Variants in RBFOX1 observed in about 807,000 individuals in gnomAD.
The protein encoded by RBFOX1 is RNA binding protein fox-1 homolog 1.
A neutral mutation model predicts 57.7 loss-of-function variants in RBFOX1; 8 were observed. That is an observed-to-expected ratio of 0.14 (90% CI 0.08 to 0.25). The LOEUF is 0.25. Ranked by LOEUF, RBFOX1 falls within the 10% of genes least tolerant of loss-of-function variation. The probability of loss-of-function intolerance (pLI) is 1.00; values close to 1 mark genes in which losing one functional copy is unlikely to be tolerated. For missense variants in RBFOX1, 611 were observed against 548.5 expected, an observed-to-expected ratio of 1.11 and a Z score of -1.14; for synonymous variants, 326 against 222.4, an observed-to-expected ratio of 1.47 and a Z score of -4.15.
rs556853511 is a variant in RBFOX1, at chr16:6,820,673, GC to G, written c.-16+166024del. 2.2e-4 allele frequency among the ~76,000 whole-genome samples: 26 copies of G among 116,694 alleles called. No individual in the cohort carries two copies. The East Asian group carries it at 4.8e-3, about 22-fold the overall frequency. 76.6% of individuals were successfully genotyped at this position (116,694 alleles called of 152,430 possible). A position where few individuals can be genotyped will look rare whatever the true frequency, so the allele number is the denominator to read the frequency against. On this transcript the variant is annotated intron_variant, in intron 3 of 15. Transcript: ENST00000550418. ...GACCCTGTCTCCAAAAAAAAAACAA[GC>G]AAAACAAACAAACAAAAACCGAAAA... is the stretch of plus-strand genomic sequence containing the variant.
At chr16:5,862,926 C>G (rs2057258695) in intron 3 of RBFOX1, among the ~76,000 whole-genome samples, 2 of 152,166 alleles carry the variant, frequency 1.3e-5, no homozygotes. Flanking sequence ...GTGGCTGTGA[C>G]TGGACAGTGA....
At chr16:5,398,170 C>T (rs1034525502) in intron 1 of RBFOX1, among the ~76,000 whole-genome samples, 8 of 152,146 alleles carry the variant, frequency 5.3e-5, no homozygotes, top group African/African-American at 1.9e-4. Context: ...AGGGTGGCAG[C>T]TTGGGCAAGT....
At chr16:7,223,037 A>C (rs544283099) in intron 4 of RBFOX1, among the ~76,000 whole-genome samples, 3 of 152,286 alleles carry the variant, frequency 2.0e-5, no homozygotes, top group African/African-American at 7.2e-5. Context: ...CCTGTTATAT[A>C]ATTAAGCCTG....
intron 3 of RBFOX1, among the ~76,000 whole-genome samples, chr16:6,720,412 T>C (rs2065748414): frequency 6.6e-6 from 1 of 152,194 alleles, no homozygotes; most frequent in African/African-American, 2.4e-5. Context: ...TGTAAATCTC[T>C]TTCTTTATAA....
intron 13 of RBFOX1, among the ~76,000 whole-genome samples, chr16:7,670,417 C>G (rs893619415): frequency 6.6e-6 from 1 of 152,208 alleles, no homozygotes; most frequent in South Asian, 2.1e-4. Context: ...CATGATTTGA[C>G]TACTGAGTTT....
chr16:6,013,195 C>A (rs975729042), intron 4 of RBFOX1, among the ~76,000 whole-genome samples: 1 of 152,174 alleles, frequency 6.6e-6, no homozygotes, highest in African/African-American at 2.4e-5. Flanking sequence ...CTCATGAGCT[C>A]CGTTCTGTTA....
chr16:5,410,703 G>C (rs994909593), intron 1 of RBFOX1, among the ~76,000 whole-genome samples: 22 of 152,124 alleles, frequency 1.4e-4, no homozygotes, highest in Non-Finnish European at 3.2e-4. Flanking sequence ...TGGACTTTTG[G>C]ACATGTGCAT....
chr16:6,932,744 A>G (rs1416823842), intron 3 of RBFOX1, among the ~76,000 whole-genome samples: 2 of 152,352 alleles, frequency 1.3e-5, no homozygotes, highest in African/African-American at 2.4e-5. Context: ...TGTGAAATAA[A>G]TACAATGTAA....
intron 5 of RBFOX1, among the ~76,000 whole-genome samples, chr16:7,553,282 C>T (rs914483435): frequency 2.0e-5 from 3 of 152,042 alleles, no homozygotes; most frequent in African/African-American, 7.2e-5. Context: ...GTAGCTGGGG[C>T]TACAGGTGCC....
intron 3 of RBFOX1, among the ~76,000 whole-genome samples, chr16:6,669,759 C>G (rs550031259): frequency 1.3e-5 from 2 of 152,064 alleles, no homozygotes; most frequent in African/African-American, 4.8e-5. Flanking sequence ...ACAGAACCTT[C>G]AGAATAGAAA....
Position 6,725,750 on chromosome 16 carries a change from A to G in RBFOX1, c.-16+71100A>G, listed in dbSNP as rs760520177. 3.2e-4 allele frequency among the ~76,000 whole-genome samples: 49 copies of G among 152,178 alleles called. 1 individual carries two copies. The highest frequency in any genetic ancestry group is 2.8e-3 in the Admixed American group (42 of 15,272). On this transcript the variant is annotated intron_variant, in intron 3 of 15. Transcript: ENST00000550418. ...AGATTTCCATCTGTTTTCTTTTTCTATAAATGAACCAAAAATGTTGAAAAT... is the reference window on the plus strand; with the variant it reads ...AGATTTCCATCTGTTTTCTTTTTCTGTAAATGAACCAAAAATGTTGAAAAT...
At chr16:6,263,383 G>A (rs187121558) in intron 1 of RBFOX1, among the ~76,000 whole-genome samples, 37 of 152,244 alleles carry the variant, frequency 2.4e-4, no homozygotes, top group African/African-American at 8.4e-4. Context: ...TTTCACGGGA[G>A]GGTATAAAGA....
At chr16:6,554,830 A>G (rs1009116608) in intron 2 of RBFOX1, among the ~76,000 whole-genome samples, 1 of 148,798 alleles carries the variant, frequency 6.7e-6, no homozygotes, top group Admixed American at 6.6e-5. Flanking sequence ...ACAGACACAC[A>G]CAGACTCTCC....
At chr16:5,431,771 T>C (rs1013977412) in intron 1 of RBFOX1, among the ~76,000 whole-genome samples, 10 of 152,300 alleles carry the variant, frequency 6.6e-5, no homozygotes, top group African/African-American at 2.4e-4. Context: ...TGTGGGTCTG[T>C]CTCTTATGCT....
At chr16:6,684,270 G>T (rs183879311) in intron 3 of RBFOX1, among the ~76,000 whole-genome samples, 15 of 152,180 alleles carry the variant, frequency 9.9e-5, no homozygotes, top group Non-Finnish European at 1.6e-4. Flanking sequence ...AGATGGCAGT[G>T]CACGATAAAG....
intron 2 of RBFOX1, among the ~76,000 whole-genome samples, chr16:6,539,806 G>GACACACACACACACACACAC (rs35407844): frequency 0.049 from 6,652 of 136,210 alleles, 360 homozygotes; most frequent in Middle Eastern, 0.076. Flanking sequence ...TCAAAACACA[G>GACACACACACACACACACAC]ACACACACAC....
At chr16:7,355,613 C>T (rs545469744) in intron 4 of RBFOX1, among the ~76,000 whole-genome samples, 1 of 152,148 alleles carries the variant, frequency 6.6e-6, no homozygotes, top group African/African-American at 2.4e-5. Context: ...TGGCCATCTC[C>T]CCATGTCAGT....
intron 1 of RBFOX1, among the ~76,000 whole-genome samples, chr16:5,262,501 G>A (rs1353242589): frequency 6.6e-6 from 1 of 152,202 alleles, no homozygotes; most frequent in Non-Finnish European, 1.5e-5. Context: ...ATGTGGACTC[G>A]AGTTGGAACT....
intron 3 of RBFOX1, among the ~76,000 whole-genome samples, chr16:6,822,071 A>G (rs1460192167): frequency 2.0e-5 from 3 of 152,294 alleles, no homozygotes; most frequent in Admixed American, 1.3e-4. Context: ...GACTACTGCC[A>G]GTGAAATGGT....
Sources: allele counts gnomAD v4.1 joint callset (sites outside exome capture counted in the v4.1 genomes callset), GRCh38; gene constraint gnomAD v4.1.1; transcripts MANE v1.5; gene names NCBI Gene and HGNC (gene_info 2026-07-23, HGNC 2026-07-21).